MYO1D: variants seen among roughly 807,000 people sequenced by gnomAD.
MYO1D encodes the protein unconventional myosin-Id.
In MYO1D, 83 loss-of-function variants were observed where a neutral mutation model predicts 122.0. That is an observed-to-expected ratio of 0.68 (90% CI 0.57 to 0.82). The LOEUF (loss-of-function observed/expected upper bound fraction) is 0.82. Among genes scored for constraint, MYO1D ranks in the 40% least tolerant of loss-of-function variants. MYO1D has a pLI of 0.00. For synonymous variants in MYO1D, 464 were observed against 446.9 expected (o/e 1.04, Z -0.48); for missense variants, 1,157 against 1,269.5 (o/e 0.91, Z 1.35).
At chr17:32,694,309 T>C (rs2089143045) in intron 16 of MYO1D, among the ~76,000 whole-genome samples, 1 of 152,106 alleles carries the variant, frequency 6.6e-6, no homozygotes, top group Non-Finnish European at 1.5e-5. Context: ...AACTTTAACA[T>C]GCCGGTTATT....
chr17:32,721,115 C>T lies in MYO1D; in HGVS notation c.1821G>A (p.Arg607=). The T allele has an allele frequency of 6.2e-7, 1 of 1,613,646 alleles. No individual in the cohort carries two copies. Among genetic ancestry groups the T allele is most frequent in the Non-Finnish European group, 8.5e-7 (1 of 1,179,786 alleles). ...GTAGTCCAAGATATTCTACTTGGTG[C>T]CGGCAGCGTTCATCATCAAATATCT... The part of the protein sequence containing the change: ...SPQIFDDERC[R]HQVEYLGLLE... The change falls in exon 15 of 22, where the codon CGG becomes CGA. Residue 607 remains arginine, a synonymous_variant. Transcript: ENST00000318217.
intron 1 of MYO1D, among the ~76,000 whole-genome samples, chr17:32,867,898 AT>A (rs1437520142): frequency 6.7e-6 from 1 of 150,338 alleles, no homozygotes; most frequent in Non-Finnish European, 1.5e-5. Flanking sequence ...TAATGAGGAA[AT>A]TGGTTATAGA....
In MYO1D at chr17:32,627,433, G is replaced by T. The variant is rs182982687; in HGVS notation, c.2709+11289C>A. On this transcript the variant is annotated intron_variant, in intron 20 of 21. Transcript: ENST00000318217. The stretch of plus-strand genomic sequence containing the variant: ...CAGACCGGCGGGCGGATGGATTTCA[G>T]CAGGGTTCACCCTGTACGCATTACA... Among the ~76,000 whole-genome samples, 251 of 152,272 alleles carry T rather than the reference G, an allele frequency of 1.6e-3. 1 individual carries two copies. The highest frequency in any genetic ancestry group is 5.6e-3 in the African/African-American group (232 of 41,536).
At chr17:32,693,384 TAAA>T (rs200326686) in intron 16 of MYO1D, among the ~76,000 whole-genome samples, 18 of 116,214 alleles carry the variant, frequency 1.5e-4, no homozygotes, top group Non-Finnish European at 1.7e-4. Context: ...ACACCTCAAG[TAAA>T]AAAAAAAAAA....
chr17:32,821,470 A>G (rs1227126260), intron 1 of MYO1D, among the ~76,000 whole-genome samples: 3 of 152,148 alleles, frequency 2.0e-5, no homozygotes, highest in African/African-American at 4.8e-5. Context: ...TCCTTATTGT[A>G]GAGAAATAAG....
intron 21 of MYO1D, among the ~76,000 whole-genome samples, chr17:32,573,680 C>T (rs535564360): frequency 6.6e-6 from 1 of 152,110 alleles, no homozygotes; most frequent in East Asian, 1.9e-4. Context: ...CCACCACTTT[C>T]GGCTAATTTA....
intron 21 of MYO1D, among the ~76,000 whole-genome samples, chr17:32,566,194 T>TAA (rs34582529): frequency 0.01 from 1,513 of 150,826 alleles, 28 homozygotes; most frequent in African/African-American, 0.035. Flanking sequence ...AGATGTTAAA[T>TAA]AAAAAAAAAG....
At chr17:32,803,060 T>G (rs948006243) in intron 1 of MYO1D, among the ~76,000 whole-genome samples, 5 of 152,158 alleles carry the variant, frequency 3.3e-5, no homozygotes, top group Admixed American at 2.0e-4. Context: ...GTGAGAAGCA[T>G]GAGCCCTGTA....
At chr17:32,540,327 C>CAAAAAAAAA (rs34076937) in intron 21 of MYO1D, among the ~76,000 whole-genome samples, 1 of 69,830 alleles carries the variant, frequency 1.4e-5, no homozygotes, top group African/African-American at 6.1e-5. Flanking sequence ...GAGACTATCT[C>CAAAAAAAAA]AAAAAAAAAA....
At chr17:32,736,370 A>G (rs1025113086) in intron 14 of MYO1D, among the ~76,000 whole-genome samples, 3 of 152,210 alleles carry the variant, frequency 2.0e-5, no homozygotes, top group Non-Finnish European at 2.9e-5. Flanking sequence ...GGGTGTAGCT[A>G]AAGTGTGTCA....
intron 1 of MYO1D, among the ~76,000 whole-genome samples, chr17:32,857,414 T>A (rs571195367): frequency 6.6e-6 from 1 of 152,056 alleles, no homozygotes; most frequent in African/African-American, 2.4e-5. Flanking sequence ...TGAAACCCCA[T>A]CTCTACTAAA....
intron 3 of MYO1D, 35 bp from the exon 4 acceptor site, chr17:32,776,064 C>T (rs746210470): frequency 2.5e-6 from 4 of 1,572,444 alleles, no homozygotes; most frequent in Non-Finnish European, 3.4e-6. Flanking sequence ...ATTATAAAAA[C>T]TTATAGAGAC....
chr17:32,636,329 T>G (rs2088099153), intron 20 of MYO1D, among the ~76,000 whole-genome samples: 1 of 152,238 alleles, frequency 6.6e-6, no homozygotes, highest in Non-Finnish European at 1.5e-5. Flanking sequence ...ATTAGCATCA[T>G]CATGTTTTAA....
intron 21 of MYO1D, among the ~76,000 whole-genome samples, chr17:32,575,709 C>G (rs560583883): frequency 3.3e-5 from 5 of 152,206 alleles, no homozygotes; most frequent in East Asian, 1.9e-4. Context: ...TGCTTCTTCT[C>G]TTTGGAGTTT....
chr17:32,726,842 A>G (rs1487652758), intron 14 of MYO1D, among the ~76,000 whole-genome samples: 2 of 151,994 alleles, frequency 1.3e-5, no homozygotes, highest in Non-Finnish European at 2.9e-5. Context: ...AAATACATGC[A>G]TGTTATTTTG....
chr17:32,678,887 T>C (rs1452792093), intron 16 of MYO1D, among the ~76,000 whole-genome samples: 1 of 150,936 alleles, frequency 6.6e-6, no homozygotes, highest in East Asian at 1.9e-4. Context: ...AGTGTAAAAG[T>C]GTTCCTATTT....
chr17:32,863,077 T>C (rs1036894610), intron 1 of MYO1D: 1 of 152,146 alleles, frequency 6.6e-6, no homozygotes, highest in Non-Finnish European at 1.5e-5. Flanking sequence ...TCAGATAAAA[T>C]AGGAACCTGA....
intron 21 of MYO1D, among the ~76,000 whole-genome samples, chr17:32,597,119 GTTC>G (rs1223158886): frequency 1.3e-5 from 2 of 152,190 alleles, no homozygotes; most frequent in Non-Finnish European, 2.9e-5. Context: ...CACTTGGACA[GTTC>G]TTCTGTTCTT....
At chr17:32,764,733 G>A (rs999845797) in intron 8 of MYO1D, 145 bp downstream of exon 8, 15 of 861,866 alleles carry the variant, frequency 1.7e-5, no homozygotes, top group Admixed American at 5.3e-5. Context: ...GAGTTTTACC[G>A]AGGCTTGTAT....
Sources: gnomAD v4.1 joint callset for allele counts (sites outside exome capture counted in the v4.1 genomes callset) on GRCh38, gnomAD v4.1.1 for gene constraint, MANE v1.5 for transcripts, NCBI Gene and HGNC (gene_info 2026-07-23, HGNC 2026-07-21) for gene names.